The following PCBP3 variants were observed in gnomAD, a reference collection of about 807,000 sequenced individuals.
PCBP3 encodes poly(rC)-binding protein 3.
PCBP3 carries 25 observed loss-of-function variants against 52.7 expected under a neutral mutation model. That is an observed-to-expected ratio of 0.47 (90% CI 0.35 to 0.66). PCBP3 has a LOEUF of 0.66. Ranked by LOEUF, PCBP3 falls within the 30% of genes least tolerant of loss-of-function variation. The pLI is 0.01. For missense variants in PCBP3, 391 were observed against 490.3 expected, an observed-to-expected ratio of 0.80 and a Z score of 1.91; for synonymous variants, 162 against 183.0, an observed-to-expected ratio of 0.89 and a Z score of 0.93.
At chr21:45,753,384 T>C (rs2087727612) in intron 3 of PCBP3, among the ~76,000 whole-genome samples, 1 of 152,046 alleles carries the variant, frequency 6.6e-6, no homozygotes, top group South Asian at 2.1e-4. Context: ...AAATTTTGTC[T>C]GATGTATTTA....
At chr21:45,866,202 T>C (rs1304677657) in intron 5 of PCBP3, among the ~76,000 whole-genome samples, 4 of 152,212 alleles carry the variant, frequency 2.6e-5, no homozygotes, top group Non-Finnish European at 2.9e-5. Context: ...CACCAGACTA[T>C]GTCAGAAGCA....
rs924507091 is a variant in PCBP3, at chr21:45,902,006, A to G, written c.339+893A>G. Among the ~76,000 whole-genome samples the G allele has an allele frequency of 3.3e-5, 5 of 152,158 alleles. No homozygotes were observed. The East Asian group carries it at 9.7e-4, about 29-fold the overall frequency. ...GCTGGCCATGGTGGGGGTCGGCGCC[A>G]TCTTCTGTGCTTGGCAGAGACTCAA... is the stretch of plus-strand genomic sequence containing the variant. On this transcript the variant is annotated intron_variant, in intron 9 of 17. Coordinates refer to ENST00000681687, the MANE Select transcript of PCBP3 (RefSeq NM_001384156.1).
chr21:45,692,272 GT>G (rs768220163), intron 2 of PCBP3, among the ~76,000 whole-genome samples: 2 of 151,832 alleles, frequency 1.3e-5, no homozygotes, highest in South Asian at 4.1e-4. Flanking sequence ...TCTAAAGTAA[GT>G]TGAAGGAAAA....
intron 4 of PCBP3, among the ~76,000 whole-genome samples, chr21:45,814,795 AGTGGTGAGTGG>A (rs200727466): frequency 2.7e-4 from 29 of 107,240 alleles, no homozygotes; most frequent in Non-Finnish European, 4.9e-4. Flanking sequence ...GTGGTGAGTG[AGTGGTGAGTGG>A]TGAGTGAGTG....
chr21:45,680,979 T>C (rs985870407), intron 2 of PCBP3, among the ~76,000 whole-genome samples: 1 of 152,332 alleles, frequency 6.6e-6, no homozygotes, highest in Middle Eastern at 3.4e-3. Context: ...CAGCATTTGG[T>C]ATTTGGTGAG....
chr21:45,769,521 T>C lies in PCBP3; in HGVS notation c.-126+14069T>C, dbSNP rs147649175. Among the ~76,000 whole-genome samples, 227 of 152,370 alleles carry C rather than the reference T, an allele frequency of 1.5e-3. 2 individuals are homozygous for C. The highest frequency in any genetic ancestry group is 5.2e-3 in the African/African-American group (217 of 41,582). ...AATGGGCGGCCCCTACTGTGCTTTG[T>C]TCAGTTTAATTCTTAGAACCGCCTA... On this transcript the variant is annotated intron_variant, in intron 4 of 17. Transcript: ENST00000681687.
At chr21:45,757,284 T>C (rs1203281426) in intron 4 of PCBP3, among the ~76,000 whole-genome samples, 1 of 152,254 alleles carries the variant, frequency 6.6e-6, no homozygotes, top group African/African-American at 2.4e-5. Flanking sequence ...ACTAGTGATG[T>C]GGAACATCTT....
intron 1 of PCBP3, among the ~76,000 whole-genome samples, chr21:45,664,723 G>A (rs928970212): frequency 3.7e-4 from 55 of 148,378 alleles, no homozygotes; most frequent in African/African-American, 1.0e-3. Flanking sequence ...CCACTAACTC[G>A]TCATCTAGCA....
intron 4 of PCBP3, among the ~76,000 whole-genome samples, chr21:45,823,260 G>A (rs1002546017): frequency 2.0e-5 from 3 of 152,162 alleles, no homozygotes; most frequent in Non-Finnish European, 2.9e-5. Flanking sequence ...GTCCTCCCCA[G>A]CGCCCGCTGG....
chr21:45,670,151 A>C (rs1798181887), intron 2 of PCBP3, among the ~76,000 whole-genome samples: 1 of 152,030 alleles, frequency 6.6e-6, no homozygotes, highest in African/African-American at 2.4e-5. Context: ...TAGCTATTCT[A>C]ATGGGTATGA....
chr21:45,781,086 C>T (rs769638921), intron 4 of PCBP3, among the ~76,000 whole-genome samples: 9 of 152,034 alleles, frequency 5.9e-5, no homozygotes, highest in Non-Finnish European at 8.8e-5. Flanking sequence ...CTTGAGGACC[C>T]GGGAGGAGGT....
Position 45,927,551 on chromosome 21 carries a change from C to T in PCBP3, c.718-2366C>T, listed in dbSNP as rs867910283. Among the ~76,000 whole-genome samples, 16 of 151,248 alleles carry T rather than the reference C, an allele frequency of 1.1e-4. No individual in the cohort carries two copies. The Middle Eastern group carries it at 0.01, about 96-fold the overall frequency. ...CGAGGTGCAGTGGCCTGACTGATCC[C>T]GGGCAGAGCTAGGGTGAGCACCCGC... is the stretch of plus-strand genomic sequence containing the variant. On this transcript the variant is annotated intron_variant, in intron 13 of 17. Transcript: ENST00000681687.
intron 2 of PCBP3, among the ~76,000 whole-genome samples, chr21:45,729,089 T>G (rs2085267599): frequency 6.6e-6 from 1 of 152,218 alleles, no homozygotes; most frequent in Non-Finnish European, 1.5e-5. Flanking sequence ...CCTGTCCTTA[T>G]GCCCTGGAAA....
intron 4 of PCBP3, among the ~76,000 whole-genome samples, chr21:45,795,799 C>G (rs915870552): frequency 6.6e-6 from 1 of 152,066 alleles, no homozygotes; most frequent in Non-Finnish European, 1.5e-5. Context: ...GAAAAAGAAT[C>G]AATAAAATAC....
chr21:45,723,105 G>A (rs567531989), intron 2 of PCBP3, among the ~76,000 whole-genome samples: 33 of 152,300 alleles, frequency 2.2e-4, no homozygotes, highest in African/African-American at 7.9e-4. Context: ...TCTGGGAAGT[G>A]CAGGTGCTTT....
At chr21:45,801,476 C>G (rs899300295) in intron 4 of PCBP3, among the ~76,000 whole-genome samples, 12 of 152,214 alleles carry the variant, frequency 7.9e-5, no homozygotes, top group African/African-American at 2.9e-4. Context: ...CACTCAGGTT[C>G]CATGGCCTTG....
At chr21:45,672,950 G>A (rs1262318837) in intron 2 of PCBP3, among the ~76,000 whole-genome samples, 1 of 152,208 alleles carries the variant, frequency 6.6e-6, no homozygotes, top group African/African-American at 2.4e-5. Flanking sequence ...CAGTGACCTA[G>A]ACAGTTGGCA....
chr21:45,725,947 G>T (rs2085001537), intron 2 of PCBP3, among the ~76,000 whole-genome samples: 1 of 152,138 alleles, frequency 6.6e-6, no homozygotes, highest in South Asian at 2.1e-4. Context: ...AGGAGGTCAG[G>T]TGTCACCCTC....
chr21:45,872,706 G>A (rs547393408), intron 5 of PCBP3: 1 of 152,280 alleles, frequency 6.6e-6, no homozygotes, highest in Admixed American at 6.5e-5. Context: ...CTGGCCTGTG[G>A]CTTCGGTGCT....
Sources: allele counts gnomAD v4.1 joint callset (sites outside exome capture counted in the v4.1 genomes callset), GRCh38; gene constraint gnomAD v4.1.1; transcripts MANE v1.5; gene names NCBI Gene and HGNC (gene_info 2026-07-23, HGNC 2026-07-21).